CARMIL1: variants seen among roughly 807,000 people sequenced by gnomAD.
The protein encoded by CARMIL1 is capping protein regulator and myosin 1 linker 1, also known as F-actin-uncapping protein LRRC16A.
Under a neutral mutation model 177.1 loss-of-function variants are expected in CARMIL1, and 90 were observed. The ratio of observed to expected loss-of-function variants is 0.51; its 90% confidence interval spans 0.43 to 0.61. CARMIL1 has a LOEUF of 0.61. Among genes scored for constraint, CARMIL1 ranks in the 20% least tolerant of loss-of-function variants. CARMIL1 has a pLI of 0.00. For synonymous variants in CARMIL1, 577 were observed against 606.2 expected, an observed-to-expected ratio of 0.95 and a Z score of 0.71; for missense variants, 1,380 against 1,667.0, an observed-to-expected ratio of 0.83 and a Z score of 3.00.
intron 2 of CARMIL1, among the ~76,000 whole-genome samples, chr6:25,337,517 A>G (rs1786384659): frequency 6.6e-6 from 1 of 152,226 alleles, no homozygotes; most frequent in Non-Finnish European, 1.5e-5. Flanking sequence ...TTGTCTTGTC[A>G]CACAATGGTG....
chr6:25,292,820 G>A (rs187834104), intron 2 of CARMIL1, among the ~76,000 whole-genome samples: 1 of 152,264 alleles, frequency 6.6e-6, no homozygotes, highest in East Asian at 1.9e-4. Flanking sequence ...TGATGGGGGG[G>A]AGTAGGAGAG....
At chr6:25,400,131 A>G (rs561228607) in intron 2 of CARMIL1, among the ~76,000 whole-genome samples, 1 of 152,224 alleles carries the variant, frequency 6.6e-6, no homozygotes, top group African/African-American at 2.4e-5. Flanking sequence ...CATGCAGTAC[A>G]TCTGTGCAGC....
rs372730028 is a variant in CARMIL1, at chr6:25,449,949, C to T, written c.423C>T (p.Leu141=). 1.3e-4 allele frequency: 213 copies of T among 1,611,966 alleles called. 1 individual carries two copies. Among genetic ancestry groups the T allele is most frequent in the Non-Finnish European group, 1.3e-4 (158 of 1,178,770 alleles). Residue 141 remains leucine (L), a synonymous_variant, in exon 6 of 37, where the codon CTC becomes CTT. Coordinates refer to ENST00000329474, the MANE Select transcript of CARMIL1 (RefSeq NM_017640.6). The part of the protein sequence containing the change: ...SMEPSERLAS[L]QALWDSQTVA... ...AGCCATCTGAGCGCCTGGCTAGTCT[C>T]CAGGCGCTGTGGGACAGCCAGACCG...
At position 25,584,025 on chromosome 6, in the gene CARMIL1, TC is replaced by T. The variant is rs1434737219; in HGVS notation, c.3006+2587del. Among the ~76,000 whole-genome samples, 24 of 140,146 alleles carry T rather than the reference TC, an allele frequency of 1.7e-4. No homozygotes were observed. In the South Asian group the frequency reaches 4.9e-3, roughly 29 times the overall value. 91.9% of individuals were successfully genotyped at this position (140,146 alleles called of 152,430 possible). A position where few individuals can be genotyped will look rare whatever the true frequency, so the allele number is the denominator to read the frequency against. On this transcript the variant is annotated intron_variant, in intron 31 of 36. Coordinates refer to ENST00000329474, the MANE Select transcript of CARMIL1 (RefSeq NM_017640.6). Reference sequence around the variant, plus strand: ...GTACTTTTATCTTTTCTTTTCTTTTTCTTTTTTTTTTTTTTTTTTTGAGACA... The same window carrying T: ...GTACTTTTATCTTTTCTTTTCTTTTTTTTTTTTTTTTTTTTTTTTGAGACA...
At chr6:25,293,520 G>C (rs965105916) in intron 2 of CARMIL1, among the ~76,000 whole-genome samples, 5 of 151,872 alleles carry the variant, frequency 3.3e-5, no homozygotes, top group Admixed American at 3.3e-4. Context: ...CGGGAGCTGG[G>C]ACTACAATCA....
intron 2 of CARMIL1, among the ~76,000 whole-genome samples, chr6:25,377,036 A>G (rs536271636): frequency 1.3e-5 from 2 of 152,310 alleles, no homozygotes; most frequent in South Asian, 4.2e-4. Flanking sequence ...TTGATGTTCA[A>G]CATAGAAAGG....
At chr6:25,459,273 T>TCTTTCTTTCTTTCTTTCTTCCTTTCTTCC (rs1390647134) in intron 8 of CARMIL1, among the ~76,000 whole-genome samples, 2 of 132,756 alleles carry the variant, frequency 1.5e-5, no homozygotes, top group Admixed American at 8.0e-5. Flanking sequence ...TTTCTTTTTT[T>TCTTTCTTTCTTTCTTTCTTCCTTTCTTCC]TTTTTTTAAG....
chr6:25,532,099 T>C (rs1446779308), intron 24 of CARMIL1, among the ~76,000 whole-genome samples: 4 of 151,466 alleles, frequency 2.6e-5, no homozygotes, highest in Non-Finnish European at 2.9e-5. Flanking sequence ...CTTTTTTTTT[T>C]TTCTTTTCCT....
intron 11 of CARMIL1, among the ~76,000 whole-genome samples, chr6:25,475,293 A>G (rs1314118278): frequency 6.6e-6 from 1 of 151,952 alleles, no homozygotes; most frequent in Non-Finnish European, 1.5e-5. Flanking sequence ...AGTCCCAGCT[A>G]CTCGGGAGGC....
chr6:25,365,300 A>G (rs1197034731), intron 2 of CARMIL1, among the ~76,000 whole-genome samples: 3 of 152,188 alleles, frequency 2.0e-5, no homozygotes, highest in African/African-American at 7.2e-5. Flanking sequence ...TCTTGAATCC[A>G]TGTATAGGCA....
chr6:25,338,534 C>T (rs1786529645), intron 2 of CARMIL1, among the ~76,000 whole-genome samples: 1 of 145,150 alleles, frequency 6.9e-6, no homozygotes, highest in Non-Finnish European at 1.5e-5. Context: ...ATGTTTTACT[C>T]AAAAAAGCTG....
At chr6:25,572,864 G>A (rs551326122) in intron 29 of CARMIL1, among the ~76,000 whole-genome samples, 109 of 152,236 alleles carry the variant, frequency 7.2e-4, no homozygotes, top group Middle Eastern at 3.4e-3. Context: ...TAATAAATAA[G>A]TCTTTACTAT....
intron 31 of CARMIL1, among the ~76,000 whole-genome samples, chr6:25,582,543 T>C (rs13203202): frequency 0.46 from 69,823 of 151,946 alleles, 16,269 homozygotes; most frequent in South Asian, 0.54. Context: ...CTCATATCCC[T>C]GGTTTTTCTT....
intron 8 of CARMIL1, chr6:25,452,004 CAGAATA>C: frequency 3.2e-6 from 1 of 315,368 alleles, no homozygotes; most frequent in South Asian, 3.0e-5. Flanking sequence ...CTCCCCCCCC[CAGAATA>C]CTGTTTTGAA....
At chr6:25,420,764 T>A (rs7762757) in intron 3 of CARMIL1, among the ~76,000 whole-genome samples, 59,569 of 152,144 alleles carry the variant, frequency 0.39, 11,740 homozygotes, top group African/African-American at 0.43. Flanking sequence ...CCTTCATTAC[T>A]TGGTGCAGAA....
chr6:25,327,273 G>T (rs917015443), intron 2 of CARMIL1, among the ~76,000 whole-genome samples: 1 of 152,130 alleles, frequency 6.6e-6, no homozygotes, highest in Non-Finnish European at 1.5e-5. Context: ...AGAAAGAACG[G>T]CCAGGGAGAG....
At chr6:25,540,714 T>G (rs913053436) in intron 26 of CARMIL1, among the ~76,000 whole-genome samples, 3 of 152,206 alleles carry the variant, frequency 2.0e-5, no homozygotes, top group African/African-American at 7.2e-5. Context: ...TTTTCATCAC[T>G]TCCAATCTGC....
chr6:25,331,272 G>T (rs1426130948), intron 2 of CARMIL1, among the ~76,000 whole-genome samples: 5 of 152,198 alleles, frequency 3.3e-5, no homozygotes, highest in African/African-American at 9.7e-5. Flanking sequence ...TCAGTAGCAG[G>T]TGGGGGTGAA....
intron 35 of CARMIL1, among the ~76,000 whole-genome samples, chr6:25,608,464 A>G (rs1364434517): frequency 6.6e-6 from 1 of 152,204 alleles, no homozygotes; most frequent in Non-Finnish European, 1.5e-5. Context: ...CTTGGATTGT[A>G]TCCCATGTGG....
Sources: gnomAD v4.1 joint callset for allele counts (sites outside exome capture counted in the v4.1 genomes callset) on GRCh38, gnomAD v4.1.1 for gene constraint, MANE v1.5 for transcripts, NCBI Gene and HGNC (gene_info 2026-07-23, HGNC 2026-07-21) for gene names.